The following DNM3 variants were observed in gnomAD, a reference collection of about 807,000 sequenced individuals.
The protein encoded by DNM3 is dynamin-3.
A neutral mutation model predicts 101.6 loss-of-function variants in DNM3; 47 were observed. That is an observed-to-expected ratio of 0.46 (90% CI 0.37 to 0.59). DNM3 has a LOEUF of 0.59. Ranked by LOEUF, DNM3 falls within the 20% of genes least tolerant of loss-of-function variation. The pLI, the probability that DNM3 is intolerant of heterozygous loss-of-function variation, is 0.00. For missense variants in DNM3, 849 were observed against 1,085.7 expected, an observed-to-expected ratio of 0.78 and a Z score of 3.06; for synonymous variants, 385 against 387.9, an observed-to-expected ratio of 0.99 and a Z score of 0.09.
At chr1:172,279,451 C>A (rs541351375) in intron 15 of DNM3, among the ~76,000 whole-genome samples, 2 of 152,214 alleles carry the variant, frequency 1.3e-5, no homozygotes, top group East Asian at 3.9e-4. Flanking sequence ...CCAGCAAGAT[C>A]CTGAACACCT....
rs138544081 is a variant in DNM3 at position 171,842,294 on chromosome 1, C to T, written c.161+477C>T. ...GGCTGTGGGGCTTTATCCCCCGAGCCCCCTCCCTTAGGTGGAGATGCTTTC... is the reference window on the plus strand; with the variant it reads ...GGCTGTGGGGCTTTATCCCCCGAGCTCCCTCCCTTAGGTGGAGATGCTTTC... On this transcript the variant is annotated intron_variant, in intron 1 of 20. Coordinates refer to ENST00000627582, the MANE Select transcript of DNM3 (RefSeq NM_015569.5). Among the ~76,000 whole-genome samples, 201 of 152,276 alleles carry T rather than the reference C, an allele frequency of 1.3e-3. 1 individual carries two copies. The East Asian group carries it at 0.036, about 28-fold the overall frequency.
intron 14 of DNM3, among the ~76,000 whole-genome samples, chr1:172,146,957 T>C (rs2057931581): frequency 6.6e-6 from 1 of 152,156 alleles, no homozygotes; most frequent in South Asian, 2.1e-4. Flanking sequence ...ATCAAGTGAC[T>C]TAACTTTATA....
intron 15 of DNM3, among the ~76,000 whole-genome samples, chr1:172,305,046 A>G (rs1215660322): frequency 6.6e-6 from 1 of 152,230 alleles, no homozygotes. Context: ...GCAGAACTGA[A>G]GGCGATAGAG....
At chr1:172,308,913 A>G in intron 16 of DNM3, 74 bp downstream of exon 16, 1 of 795,892 alleles carries the variant, frequency 1.3e-6, no homozygotes, top group Admixed American at 3.1e-5. Flanking sequence ...TACATACCAT[A>G]AGCTGGAGAA....
rs563332410 is a variant in DNM3, at chr1:172,228,392, G to A, written c.1660-25181G>A. On this transcript the variant is annotated intron_variant, in intron 14 of 20. Coordinates refer to ENST00000627582, the MANE Select transcript of DNM3 (RefSeq NM_015569.5). The stretch of plus-strand genomic sequence containing the variant: ...TTATCATAAACTAACTTCTCAGGTC[G>A]GTTTCACTCTTTCTTCGCTCTCTTC... Among the ~76,000 whole-genome samples the A allele has an allele frequency of 1.1e-3, 170 of 151,934 alleles. 1 individual carries two copies. The highest frequency in any genetic ancestry group is 1.9e-3 in the Non-Finnish European group (129 of 67,940).
At chr1:171,916,555 C>T (rs74126530) in intron 1 of DNM3, among the ~76,000 whole-genome samples, 5,227 of 152,172 alleles carry the variant, frequency 0.034, 294 homozygotes, top group African/African-American at 0.12. Context: ...TAAATCCTGC[C>T]ATTTGTCTTC....
chr1:172,091,318 A>G (rs1442174318), intron 12 of DNM3, among the ~76,000 whole-genome samples: 1 of 152,222 alleles, frequency 6.6e-6, no homozygotes, highest in Non-Finnish European at 1.5e-5. Flanking sequence ...AAACACAAAA[A>G]ATAAATACAC....
intron 1 of DNM3, among the ~76,000 whole-genome samples, chr1:171,844,088 AT>A (rs1457475145): frequency 6.6e-6 from 1 of 152,214 alleles, no homozygotes; most frequent in Non-Finnish European, 1.5e-5. Context: ...TTTAATAAAG[AT>A]TTCGGTCATT....
intron 20 of DNM3, among the ~76,000 whole-genome samples, chr1:172,395,201 GTC>G (rs2069878713): frequency 6.8e-6 from 1 of 146,548 alleles, no homozygotes; most frequent in Admixed American, 6.9e-5. Context: ...TTGAGGCGGA[GTC>G]TCTATCACCC....
chr1:172,064,823 T>C (rs1380383335), intron 10 of DNM3, among the ~76,000 whole-genome samples: 1 of 152,172 alleles, frequency 6.6e-6, no homozygotes, highest in Non-Finnish European at 1.5e-5. Context: ...CCTACATTGC[T>C]TAGTGTCTCT....
At chr1:172,317,247 A>C (rs910967329) in intron 16 of DNM3, among the ~76,000 whole-genome samples, 10 of 151,810 alleles carry the variant, frequency 6.6e-5, no homozygotes, top group Non-Finnish European at 1.3e-4. Flanking sequence ...CAGTGTGTAG[A>C]GGGAAATTTA....
intron 2 of DNM3, among the ~76,000 whole-genome samples, chr1:171,958,348 ATGTGTGTGTATGTGTTTGTACT>A (rs1284600200): frequency 6.6e-6 from 1 of 152,076 alleles, no homozygotes; most frequent in Non-Finnish European, 1.5e-5. Context: ...ACAGGTTATG[ATGTGTGTGTATGTGTTTGTACT>A]TGTATTTTTA....
chr1:172,402,984 T>A (rs2070614056), intron 20 of DNM3, among the ~76,000 whole-genome samples: 1 of 152,172 alleles, frequency 6.6e-6, no homozygotes, highest in Non-Finnish European at 1.5e-5. Flanking sequence ...TCTGGGAACT[T>A]ATTAGAAATA....
rs148252751 is a variant in DNM3 at position 172,235,560 on chromosome 1, G to A, written c.1660-18013G>A. ...ACACAGGCAGACGTATGTTTATTGC[G>A]GCACTATTCACAATAGCAAAGACTT... On this transcript the variant is annotated intron_variant, in intron 14 of 20. Coordinates refer to ENST00000627582, the MANE Select transcript of DNM3 (RefSeq NM_015569.5). Among the ~76,000 whole-genome samples, 353 of 152,152 alleles carry A rather than the reference G, an allele frequency of 2.3e-3. 10 individuals carry two copies. In the South Asian group the frequency reaches 0.035, roughly 15 times the overall value.
intron 1 of DNM3, among the ~76,000 whole-genome samples, chr1:171,914,961 T>C (rs536204167): frequency 6.6e-6 from 1 of 152,034 alleles, no homozygotes; most frequent in East Asian, 1.9e-4. Context: ...GAAGATGACA[T>C]GCAGCTGAGT....
At chr1:172,067,817 T>A (rs1191448176) in intron 10 of DNM3, among the ~76,000 whole-genome samples, 18 of 152,126 alleles carry the variant, frequency 1.2e-4, no homozygotes, top group Non-Finnish European at 4.4e-5. Flanking sequence ...GCAAAAAAAA[T>A]GTACATATAC....
intron 17 of DNM3, among the ~76,000 whole-genome samples, chr1:172,340,713 A>T (rs1490364054): frequency 6.6e-6 from 1 of 152,190 alleles, no homozygotes. Context: ...TGTTTTCTAG[A>T]TAGACTATGG....
chr1:172,062,280 C>A (rs2051294298), intron 10 of DNM3, among the ~76,000 whole-genome samples: 1 of 152,044 alleles, frequency 6.6e-6, no homozygotes, highest in African/African-American at 2.4e-5. Flanking sequence ...GTTTTGCCAC[C>A]ATGTCAACCC....
chr1:172,177,632 C>T (rs922969863), intron 14 of DNM3, among the ~76,000 whole-genome samples: 5 of 151,768 alleles, frequency 3.3e-5, no homozygotes, highest in South Asian at 2.1e-4. Context: ...GACAAAATTA[C>T]GGGATGAGAG....
Sources: allele counts gnomAD v4.1 joint callset (sites outside exome capture counted in the v4.1 genomes callset), GRCh38; gene constraint gnomAD v4.1.1; transcripts MANE v1.5; gene names NCBI Gene and HGNC (gene_info 2026-07-23, HGNC 2026-07-21).